The following LRMDA variants were observed in gnomAD, a reference collection of about 807,000 sequenced individuals.
LRMDA encodes leucine rich melanocyte differentiation associated.
Under a neutral mutation model 29.8 loss-of-function variants are expected in LRMDA, and 18 were observed. That is an observed-to-expected ratio of 0.60 (90% CI 0.42 to 0.90). The LOEUF is 0.90. Ranked by LOEUF, LRMDA falls within the 40% of genes least tolerant of loss-of-function variation. LRMDA has a pLI of 0.00. For synonymous variants in LRMDA, 125 were observed against 109.4 expected, an observed-to-expected ratio of 1.14 and a Z score of -0.89; for missense variants, 273 against 273.9, an observed-to-expected ratio of 1.00 and a Z score of 0.02.
chr10:76,440,701 G>C (rs1330094586), intron 6 of LRMDA, among the ~76,000 whole-genome samples: 12 of 152,078 alleles, frequency 7.9e-5, no homozygotes. Context: ...AGAACCATCA[G>C]ATCCGGCTGT....
chr10:76,422,666 T>A (rs1358108523), intron 6 of LRMDA, among the ~76,000 whole-genome samples: 2 of 152,212 alleles, frequency 1.3e-5, no homozygotes, highest in African/African-American at 4.8e-5. Context: ...CTCTTCCTCA[T>A]GGATAACTGC....
At chr10:75,564,724 A>G (rs1199962580) in intron 2 of LRMDA, among the ~76,000 whole-genome samples, 1 of 152,198 alleles carries the variant, frequency 6.6e-6, no homozygotes, top group Non-Finnish European at 1.5e-5. Flanking sequence ...TGTCTTGGGA[A>G]AGTTAGCTTC....
intron 5 of LRMDA, among the ~76,000 whole-genome samples, chr10:76,247,508 C>G (rs1320126438): frequency 6.6e-6 from 1 of 152,152 alleles, no homozygotes; most frequent in East Asian, 1.9e-4. Context: ...AGAGATTCAG[C>G]TGCGGATAAA....
intron 6 of LRMDA, among the ~76,000 whole-genome samples, chr10:76,419,333 A>T (rs1036007293): frequency 2.6e-5 from 4 of 152,084 alleles, no homozygotes; most frequent in African/African-American, 9.7e-5. Context: ...AAATGGAATC[A>T]TACAGCATGT....
intron 2 of LRMDA, among the ~76,000 whole-genome samples, chr10:75,863,002 A>G (rs1334826179): frequency 6.7e-6 from 1 of 149,554 alleles, no homozygotes; most frequent in Non-Finnish European, 1.5e-5. Flanking sequence ...CTGGCTTATA[A>G]AAAAAAAAGC....
chr10:75,911,480 T>C (rs113513144), intron 2 of LRMDA, among the ~76,000 whole-genome samples: 24 of 152,300 alleles, frequency 1.6e-4, no homozygotes, highest in African/African-American at 5.8e-4. Context: ...TGTTCCTGGG[T>C]CGTTCTCTGG....
chr10:76,300,484 T>G (rs1169782971), intron 5 of LRMDA, among the ~76,000 whole-genome samples: 1 of 152,196 alleles, frequency 6.6e-6, no homozygotes, highest in Non-Finnish European at 1.5e-5. Flanking sequence ...GCCCTTTATT[T>G]CCGTCTCTGT....
At chr10:75,679,185 C>T (rs147247580) in intron 2 of LRMDA, among the ~76,000 whole-genome samples, 1 of 152,288 alleles carries the variant, frequency 6.6e-6, no homozygotes, top group East Asian at 1.9e-4. Context: ...ACCCACTGCT[C>T]CTGATTCTCC....
chr10:76,555,066 T>C (rs1843539502), intron 6 of LRMDA, among the ~76,000 whole-genome samples: 1 of 152,166 alleles, frequency 6.6e-6, no homozygotes, highest in Admixed American at 6.5e-5. Context: ...TCAGGGTTTA[T>C]TTGAATCAAT....
Position 76,355,399 on chromosome 10 carries a change from C to T in LRMDA, c.601+30914C>T, listed in dbSNP as rs138232249. ...TCAGGTTACCAAGAAATTATGGAGC[C>T]CTTTTAAGTGAAAGTAATTTGTTCA... On this transcript the variant is annotated intron_variant, in intron 6 of 6. Coordinates refer to ENST00000611255, the MANE Select transcript of LRMDA (RefSeq NM_001305581.2). Among the ~76,000 whole-genome samples the T allele has an allele frequency of 6.5e-3, 990 of 152,060 alleles. 9 individuals are homozygous for T. The highest frequency in any genetic ancestry group is 0.022 in the African/African-American group (923 of 41,472).
chr10:76,303,053 C>T (rs1425042846), intron 5 of LRMDA, among the ~76,000 whole-genome samples: 1 of 152,168 alleles, frequency 6.6e-6, no homozygotes, highest in East Asian at 1.9e-4. Context: ...AAGTTGTAGG[C>T]CGATGCTTAG....
intron 6 of LRMDA, among the ~76,000 whole-genome samples, chr10:76,485,849 T>A (rs972081797): frequency 6.6e-6 from 1 of 151,864 alleles, no homozygotes; most frequent in African/African-American, 2.4e-5. Flanking sequence ...CTCTCGGGGT[T>A]TTTTACTACT....
In LRMDA at chr10:76,179,239, G is replaced by T. The variant is rs562367460; in HGVS notation, c.516+120456G>T. On this transcript the variant is annotated intron_variant, in intron 5 of 6. Transcript: ENST00000611255. ...AAAAGAATAGGATGCAATCAAGGAG[G>T]GGGGGGTGGTGGAGGAGTAGAGGAC... Among the ~76,000 whole-genome samples the T allele has an allele frequency of 1.1e-3, 161 of 152,192 alleles. 2 individuals carry two copies. In the South Asian group the frequency reaches 0.018, roughly 17 times the overall value.
At chr10:76,466,790 T>C (rs1332874525) in intron 6 of LRMDA, among the ~76,000 whole-genome samples, 2 of 152,062 alleles carry the variant, frequency 1.3e-5, no homozygotes. Flanking sequence ...AAACCCTGTC[T>C]CAAAGAAAAG....
At chr10:76,427,347 T>G (rs1478134738) in intron 6 of LRMDA, among the ~76,000 whole-genome samples, 1 of 152,050 alleles carries the variant, frequency 6.6e-6, no homozygotes, top group Non-Finnish European at 1.5e-5. Context: ...TCCTAGGTAT[T>G]TTATTCTCTT....
At chr10:75,475,307 C>T (rs1344682143) in intron 2 of LRMDA, among the ~76,000 whole-genome samples, 1 of 152,154 alleles carries the variant, frequency 6.6e-6, no homozygotes, top group Non-Finnish European at 1.5e-5. Flanking sequence ...TGGAGATTAG[C>T]ATGGGTGTTG....
chr10:76,276,337 T>A (rs905949896), intron 5 of LRMDA, among the ~76,000 whole-genome samples: 1 of 151,510 alleles, frequency 6.6e-6, no homozygotes, highest in African/African-American at 2.4e-5. Context: ...AGTGATGGGG[T>A]CTTGCTCTGT....
intron 2 of LRMDA, among the ~76,000 whole-genome samples, chr10:75,464,351 G>A (rs1013167895): frequency 2.6e-5 from 4 of 152,186 alleles, no homozygotes; most frequent in Non-Finnish European, 5.9e-5. Context: ...ATGTGTTTTT[G>A]TGTATACTCG....
At chr10:75,718,982 A>G (rs958610611) in intron 2 of LRMDA, among the ~76,000 whole-genome samples, 3 of 152,196 alleles carry the variant, frequency 2.0e-5, no homozygotes, top group African/African-American at 7.2e-5. Context: ...GAGCTTGTAG[A>G]ATAAAGTGAA....
Sources: allele counts gnomAD v4.1 joint callset (sites outside exome capture counted in the v4.1 genomes callset), GRCh38; gene constraint gnomAD v4.1.1; transcripts MANE v1.5; gene names NCBI Gene and HGNC (gene_info 2026-07-23, HGNC 2026-07-21).